Variants in UTRN observed in about 807,000 individuals in gnomAD.
UTRN encodes the protein utrophin, also known as dystrophin-related protein 1.
In UTRN, 283 loss-of-function variants were observed where a neutral mutation model predicts 463.9. The ratio of observed to expected loss-of-function variants is 0.61; its 90% confidence interval spans 0.55 to 0.67. The LOEUF is 0.67. UTRN is among the 30% of genes least tolerant of loss of function. UTRN has a pLI of 0.00. For synonymous variants in UTRN, 1,442 were observed against 1,431.5 expected (o/e 1.01, Z -0.17); for missense variants, 3,922 against 4,084.3 (o/e 0.96, Z 1.08).
intron 69 of UTRN, 135 bp from the exon 70 acceptor site, chr6:144,835,645 G>A (rs998834687): frequency 7.2e-6 from 8 of 1,105,236 alleles, no homozygotes; most frequent in Admixed American, 4.4e-5. Flanking sequence ...TAAAAGGGAG[G>A]TCATGGAGAC....
At position 144,583,231 on chromosome 6, in the gene UTRN, A is replaced by G. The variant is rs567395123; in HGVS notation, c.7479+5943A>G. The G allele has an allele frequency of 1.6e-3, 560 of 359,604 alleles. 1 individual carries two copies. Among genetic ancestry groups the G allele is most frequent in the Middle Eastern group, 4.9e-3 (7 of 1,440 alleles). 22.3% of individuals were successfully genotyped at this position (359,604 alleles called of 1,614,324 possible). A position where few individuals can be genotyped will look rare whatever the true frequency, so the allele number is the denominator to read the frequency against. On this transcript the variant is annotated intron_variant, in intron 51 of 74. Coordinates refer to ENST00000367545, the MANE Select transcript of UTRN (RefSeq NM_007124.3). The stretch of plus-strand genomic sequence containing the variant: ...TCGACAACTTCCTTCATTTCTGGCC[A>G]TGCCGGGCTGAGCAAGTGCTGCCTG...
chr6:144,745,482 A>G (rs184223988), intron 54 of UTRN, among the ~76,000 whole-genome samples: 2 of 152,216 alleles, frequency 1.3e-5, no homozygotes, highest in Admixed American at 6.5e-5. Context: ...GGAAACTCTT[A>G]TTTTGACTCA....
At position 144,437,716 on chromosome 6, in the gene UTRN, T is replaced by C. The variant is rs1786712600; in HGVS notation, c.1211T>C (p.Leu404Pro). 1.2e-6 allele frequency: 2 copies of C among 1,613,834 alleles called. No individual in the cohort carries two copies. The highest frequency in any genetic ancestry group is 1.7e-6 in the Non-Finnish European group (2 of 1,179,944). ...CTGCTGAATGCTAGATGGGAGGCTCTTAGGGTGGAGAGTATGGACAGACAG... is the reference window on the plus strand; with the variant it reads ...CTGCTGAATGCTAGATGGGAGGCTCCTAGGGTGGAGAGTATGGACAGACAG... ...MTLLNARWEA[L>P]RVESMDRQSR... The change falls in exon 11 of 75, where the codon CTT becomes CCT. Residue 404 changes from leucine to proline, a missense_variant. By Grantham distance (98) the Leu-to-Pro change is moderately conservative. Transcript: ENST00000367545.
At chr6:144,712,432 C>A (rs1414490218) in intron 53 of UTRN, among the ~76,000 whole-genome samples, 3 of 152,182 alleles carry the variant, frequency 2.0e-5, no homozygotes, top group South Asian at 2.1e-4. Context: ...AAGAGTGGAT[C>A]ACAAATGTAG....
chr6:144,351,828 C>T (rs1778134240), intron 2 of UTRN, among the ~76,000 whole-genome samples: 1 of 152,188 alleles, frequency 6.6e-6, no homozygotes, highest in African/African-American at 2.4e-5. Context: ...AAGATAGGCA[C>T]CTTGCACAGA....
chr6:144,642,783 T>C (rs1435072028), intron 51 of UTRN, among the ~76,000 whole-genome samples: 2 of 152,164 alleles, frequency 1.3e-5, no homozygotes, highest in African/African-American at 4.8e-5. Context: ...GGAATAAATA[T>C]TGGTATGGTT....
chr6:144,581,510 C>T (rs1381419340), intron 51 of UTRN, among the ~76,000 whole-genome samples: 1 of 152,118 alleles, frequency 6.6e-6, no homozygotes, highest in Non-Finnish European at 1.5e-5. Context: ...CTTTTAGCCT[C>T]ATTTTCATCG....
intron 51 of UTRN, among the ~76,000 whole-genome samples, chr6:144,595,429 G>A (rs758088693): frequency 3.3e-5 from 5 of 152,168 alleles, no homozygotes; most frequent in Non-Finnish European, 7.3e-5. Context: ...CAACTGAGGC[G>A]GAAGAATGTT....
intron 45 of UTRN, among the ~76,000 whole-genome samples, chr6:144,540,682 A>G (rs937160612): frequency 1.3e-5 from 2 of 152,206 alleles, no homozygotes; most frequent in African/African-American, 4.8e-5. Flanking sequence ...TCATCTTATT[A>G]TTACTTAAGT....
At chr6:144,401,191 T>TC (rs1782908787) in intron 2 of UTRN, among the ~76,000 whole-genome samples, 1 of 147,262 alleles carries the variant, frequency 6.8e-6, no homozygotes, top group African/African-American at 2.7e-5. Context: ...GACCTTTCTA[T>TC]ATTTTTTTAT....
chr6:144,803,871 G>A (rs1345057996), intron 65 of UTRN, among the ~76,000 whole-genome samples: 13 of 151,762 alleles, frequency 8.6e-5, no homozygotes, highest in Admixed American at 8.5e-4. Flanking sequence ...AATGAATATG[G>A]GTATTTTTTA....
At chr6:144,651,966 C>G (rs1310396103) in intron 51 of UTRN, among the ~76,000 whole-genome samples, 1 of 152,154 alleles carries the variant, frequency 6.6e-6, no homozygotes, top group East Asian at 1.9e-4. Context: ...CCCTCACCCC[C>G]CTCCCACACT....
chr6:144,464,448 AC>A (rs1236716388), intron 23 of UTRN, among the ~76,000 whole-genome samples: 2 of 151,584 alleles, frequency 1.3e-5, no homozygotes, highest in African/African-American at 4.8e-5. Flanking sequence ...ATTCAAATAA[AC>A]CAGTAATTAT....
At chr6:144,663,235 GC>G (rs1344251013) in intron 51 of UTRN, among the ~76,000 whole-genome samples, 3 of 152,126 alleles carry the variant, frequency 2.0e-5, no homozygotes, top group Non-Finnish European at 4.4e-5. Context: ...ACCAAGATGT[GC>G]CTGCCAGCAA....
chr6:144,770,442 T>G (rs758618816), intron 58 of UTRN, among the ~76,000 whole-genome samples: 3 of 152,204 alleles, frequency 2.0e-5, no homozygotes, highest in Non-Finnish European at 4.4e-5. Context: ...TATCACTCTC[T>G]TAGGTACTAT....
intron 53 of UTRN, among the ~76,000 whole-genome samples, chr6:144,701,187 A>G (rs781262993): frequency 3.3e-5 from 5 of 152,130 alleles, no homozygotes; most frequent in African/African-American, 4.8e-5. Context: ...GATTACAGGC[A>G]TGAGCCACCT....
chr6:144,583,755 TTTG>T (rs1802204061), intron 51 of UTRN, among the ~76,000 whole-genome samples: 1 of 152,232 alleles, frequency 6.6e-6, no homozygotes, highest in African/African-American at 2.4e-5. Flanking sequence ...ATAATTACAT[TTTG>T]TTTAAAAATC....
intron 51 of UTRN, among the ~76,000 whole-genome samples, chr6:144,655,058 C>T (rs1336652634): frequency 6.6e-6 from 1 of 152,172 alleles, no homozygotes. Flanking sequence ...CCATGACCAC[C>T]TGTAAAATTA....
At chr6:144,800,570 G>C (rs1777613715) in intron 64 of UTRN, among the ~76,000 whole-genome samples, 1 of 152,188 alleles carries the variant, frequency 6.6e-6, no homozygotes, top group Admixed American at 6.5e-5. Context: ...TGGATCTATT[G>C]TTTGGTGCTG....
Sources: allele counts gnomAD v4.1 joint callset (sites outside exome capture counted in the v4.1 genomes callset), GRCh38; gene constraint gnomAD v4.1.1; transcripts MANE v1.5; gene names NCBI Gene and HGNC (gene_info 2026-07-23, HGNC 2026-07-21).